The following DPF3 variants were observed in gnomAD, a reference collection of about 807,000 sequenced individuals.
The protein encoded by DPF3 is double PHD fingers 3, also known as zinc finger protein DPF3.
A neutral mutation model predicts 56.8 loss-of-function variants in DPF3; 18 were observed. The observed-to-expected ratio is 0.32, with a 90% CI of 0.22 to 0.47. The LOEUF is 0.47. DPF3 is among the 20% of genes least tolerant of loss of function. The pLI is 1.00. For missense variants in DPF3, 403 were observed against 488.8 expected (o/e 0.82, Z 1.65); for synonymous variants, 188 against 180.2 (o/e 1.04, Z -0.35).
chr14:72,836,682 C>T (rs763901587), intron 1 of DPF3, among the ~76,000 whole-genome samples: 4 of 152,114 alleles, frequency 2.6e-5, no homozygotes, highest in Non-Finnish European at 5.9e-5. Context: ...GATCTGGGAC[C>T]TCAGAAGACT....
intron 1 of DPF3, among the ~76,000 whole-genome samples, chr14:72,886,734 G>T (rs1208062210): frequency 1.4e-4 from 22 of 151,948 alleles, no homozygotes; most frequent in Admixed American, 1.4e-3. Context: ...CTTTATGCTT[G>T]CAAAAAAACT....
intron 2 of DPF3, among the ~76,000 whole-genome samples, chr14:72,756,869 A>AAAGAAAGGAAGGAAGG (rs1555503988): frequency 1.0e-4 from 10 of 95,684 alleles, no homozygotes; most frequent in African/African-American, 3.9e-4. Flanking sequence ...AGAAAGAAAG[A>AAAGAAAGGAAGGAAGG]AAGGAAGGAA....
At chr14:72,757,824 C>T (rs1890899411) in intron 2 of DPF3, among the ~76,000 whole-genome samples, 1 of 151,918 alleles carries the variant, frequency 6.6e-6, no homozygotes, top group African/African-American at 2.4e-5. Context: ...GAACCAATTC[C>T]CAGTGGATAC....
At position 72,617,525 on chromosome 14, in the gene DPF3, G is replaced by C. The variant is rs1421306369; in HGVS notation, c.*1772C>G. ...GAAGATGAAAATTCCATCCGGTCGG[G>C]GGCCCTTTAAATGAGACCATTATGT... On this transcript the variant is annotated 3_prime_UTR_variant, in exon 11 of 11. Coordinates refer to ENST00000556509, the MANE Select transcript of DPF3 (RefSeq NM_001280542.3). Among the ~76,000 whole-genome samples the C allele has an allele frequency of 6.6e-6, 1 of 152,146 alleles. No individual in the cohort carries two copies. The highest frequency in any genetic ancestry group is 1.5e-5 in the Non-Finnish European group (1 of 68,026).
At chr14:72,739,277 G>C (rs2139871795) in intron 3 of DPF3, among the ~76,000 whole-genome samples, 1 of 151,610 alleles carries the variant, frequency 6.6e-6, no homozygotes, top group Non-Finnish European at 1.5e-5. Context: ...AAGAAATACA[G>C]ACAACCAGAA....
At chr14:72,879,950 G>T in intron 1 of DPF3, 1 of 1,491,438 alleles carries the variant, frequency 6.7e-7, no homozygotes, top group Non-Finnish European at 8.9e-7. Context: ...GAAAGGGCCT[G>T]TGATTGCCAA....
intron 9 of DPF3, among the ~76,000 whole-genome samples, chr14:72,627,592 C>T (rs1884908655): frequency 6.6e-6 from 1 of 152,050 alleles, no homozygotes; most frequent in Non-Finnish European, 1.5e-5. Context: ...GGGCTAGTTT[C>T]CATCACAGTT....
intron 1 of DPF3, among the ~76,000 whole-genome samples, chr14:72,793,744 T>A (rs1892532168): frequency 6.6e-6 from 1 of 152,228 alleles, no homozygotes; most frequent in Non-Finnish European, 1.5e-5. Context: ...CTCCCTTGCA[T>A]AGATGATGCT....
rs1167653363 is a variant in DPF3, at chr14:72,613,274, A to C, written c.*6023T>G. Among the ~76,000 whole-genome samples the C allele has an allele frequency of 6.6e-6, 1 of 151,972 alleles. No individual in the cohort carries two copies. The highest frequency in any genetic ancestry group is 6.5e-5 in the Admixed American group (1 of 15,274). ...CCCACTTACCTGCCCTCCCGTCCCC[A>C]CCATGGCCGCGTTTATTTGCTAGAC... is the stretch of plus-strand genomic sequence containing the variant. On this transcript the variant is annotated 3_prime_UTR_variant, in exon 11 of 11. Transcript: ENST00000556509.
At chr14:72,767,611 A>T (rs546366853) in intron 2 of DPF3, among the ~76,000 whole-genome samples, 1 of 152,244 alleles carries the variant, frequency 6.6e-6, no homozygotes, top group Admixed American at 6.5e-5. Context: ...GAAGAATTTT[A>T]AAAATAAATG....
intron 6 of DPF3, among the ~76,000 whole-genome samples, chr14:72,706,826 T>C (rs1312933690): frequency 6.6e-6 from 1 of 152,148 alleles, no homozygotes. Flanking sequence ...TTTTTCTTTT[T>C]TCTTTTATTA....
chr14:72,835,705 C>A (rs1200514800), intron 1 of DPF3, among the ~76,000 whole-genome samples: 1 of 152,150 alleles, frequency 6.6e-6, no homozygotes, highest in Non-Finnish European at 1.5e-5. Context: ...GCATCGGCCT[C>A]CCCTGGCTAC....
At chr14:72,680,846 C>T (rs1567198624) in intron 7 of DPF3, among the ~76,000 whole-genome samples, 1 of 152,228 alleles carries the variant, frequency 6.6e-6, no homozygotes, top group Non-Finnish European at 1.5e-5. Flanking sequence ...ACTGCGTTGC[C>T]GATCTAGAGG....
chr14:72,866,109 C>T (rs1885650873), intron 1 of DPF3, among the ~76,000 whole-genome samples: 1 of 152,142 alleles, frequency 6.6e-6, no homozygotes, highest in East Asian at 1.9e-4. Flanking sequence ...GCTCTGTCTC[C>T]ACTTTGTATG....
chr14:72,657,270 A>T lies in DPF3; in HGVS notation c.871+16970T>A, dbSNP rs1886084964. ...CTCATTGTCTCCTATCATTTGTCTC[A>T]TACAGATGAAACTCTACCATCTATG... On this transcript the variant is annotated intron_variant, in intron 8 of 10. Transcript: ENST00000556509. Among the ~76,000 whole-genome samples, 3 of 152,204 alleles carry T rather than the reference A, an allele frequency of 2.0e-5. No homozygotes were observed. In the South Asian group the frequency reaches 6.2e-4, roughly 32 times the overall value.
At chr14:72,805,296 C>A (rs886685196) in intron 1 of DPF3, among the ~76,000 whole-genome samples, 4 of 149,890 alleles carry the variant, frequency 2.7e-5, no homozygotes, top group Non-Finnish European at 5.9e-5. Flanking sequence ...CATGGAGAAA[C>A]CCTGTCTCTA....
intron 1 of DPF3, among the ~76,000 whole-genome samples, chr14:72,821,728 G>A (rs951529418): frequency 2.0e-4 from 31 of 152,282 alleles, no homozygotes; most frequent in African/African-American, 5.8e-4. Context: ...AAATTAGGCC[G>A]AGTGTACTTG....
At chr14:72,777,325 C>T (rs1891783424) in intron 1 of DPF3, among the ~76,000 whole-genome samples, 1 of 152,216 alleles carries the variant, frequency 6.6e-6, no homozygotes, top group Admixed American at 6.5e-5. Context: ...CCCATTTAGT[C>T]TTTTAGAATA....
intron 9 of DPF3, among the ~76,000 whole-genome samples, chr14:72,622,912 T>C (rs1041613671): frequency 6.6e-5 from 10 of 152,142 alleles, no homozygotes; most frequent in Non-Finnish European, 1.3e-4. Flanking sequence ...ACATTTACAC[T>C]ATCTGTAAAG....
Sources: allele counts gnomAD v4.1 joint callset (sites outside exome capture counted in the v4.1 genomes callset), GRCh38; gene constraint gnomAD v4.1.1; transcripts MANE v1.5; gene names NCBI Gene and HGNC (gene_info 2026-07-23, HGNC 2026-07-21).